Variants in STAG1 observed in about 807,000 individuals in gnomAD.
STAG1 encodes STAG1 cohesin complex component.
STAG1 carries 26 observed loss-of-function variants against 170.9 expected under a neutral mutation model. That is an observed-to-expected ratio of 0.15 (90% confidence interval 0.11 to 0.21). The LOEUF (loss-of-function observed/expected upper bound fraction) is 0.21. Ranked by LOEUF, STAG1 falls within the 10% of genes least tolerant of loss-of-function variation. The pLI is 1.00. For synonymous variants in STAG1, 514 were observed against 497.7 expected (o/e 1.03, Z -0.44); for missense variants, 964 against 1,509.5 (o/e 0.64, Z 5.99).
intron 4 of STAG1, among the ~76,000 whole-genome samples, chr3:136,569,625 T>C (rs1937199081): frequency 6.6e-6 from 1 of 151,984 alleles, no homozygotes; most frequent in South Asian, 2.1e-4. Context: ...TCTCCTTTCC[T>C]ACAGTTGATA....
intron 2 of STAG1, among the ~76,000 whole-genome samples, chr3:136,624,821 G>A (rs1940025592): frequency 6.6e-6 from 1 of 152,158 alleles, no homozygotes; most frequent in Non-Finnish European, 1.5e-5. Context: ...GAGGTGGGAA[G>A]TGACAAACAG....
chr3:136,477,741 T>A (rs985746741), intron 9 of STAG1, among the ~76,000 whole-genome samples: 5 of 152,102 alleles, frequency 3.3e-5, no homozygotes, highest in Non-Finnish European at 5.9e-5. Flanking sequence ...AAAATCAGAG[T>A]CACAACATCC....
chr3:136,694,242 G>A (rs1372098789), intron 1 of STAG1, among the ~76,000 whole-genome samples: 2 of 152,144 alleles, frequency 1.3e-5, no homozygotes, highest in Non-Finnish European at 2.9e-5. Flanking sequence ...AGGAAGTGGA[G>A]ACAGGTCTCA....
chr3:136,370,829 G>T (rs548793861), intron 23 of STAG1, among the ~76,000 whole-genome samples: 1 of 152,026 alleles, frequency 6.6e-6, no homozygotes, highest in African/African-American at 2.4e-5. Flanking sequence ...ATACGTGTGC[G>T]TGTGTCTTTA....
At chr3:136,468,671 G>A (rs1346434779) in intron 12 of STAG1, among the ~76,000 whole-genome samples, 1 of 152,070 alleles carries the variant, frequency 6.6e-6, no homozygotes. Context: ...GTCCCTGGCA[G>A]ACACATAACA....
chr3:136,377,723 C>A lies in STAG1; in HGVS notation c.2307G>T (p.Val769=), dbSNP rs1937684245. The part of the protein sequence containing the change: ...KEDLLVLRKT[V]KSFLAVCQQC... ...GCTGGCAAACAGCCAAAAAGGATTT[C>A]ACCGTTTTCCTCAATACCAACAAAT... is the stretch of plus-strand genomic sequence containing the variant. The change falls in exon 23 of 34, where the codon GTG becomes GTT. Residue 769 remains valine, a synonymous_variant. Transcript: ENST00000383202. 1 of 1,614,024 alleles carries A rather than the reference C, an allele frequency of 6.2e-7. No individual in the cohort carries two copies. Among genetic ancestry groups the A allele is most frequent in the Non-Finnish European group, 8.5e-7 (1 of 1,179,970 alleles).
At chr3:136,513,774 C>A (rs1310260481) in intron 7 of STAG1, among the ~76,000 whole-genome samples, 10 of 151,710 alleles carry the variant, frequency 6.6e-5, no homozygotes, top group Non-Finnish European at 1.5e-4. Flanking sequence ...AAGAAACTAT[C>A]AAAAAATATG....
chr3:136,583,334 A>C (rs1028762296), intron 4 of STAG1, among the ~76,000 whole-genome samples: 28 of 152,326 alleles, frequency 1.8e-4, no homozygotes, highest in Non-Finnish European at 3.2e-4. Context: ...TAATATCTAT[A>C]AATACAAAAA....
intron 1 of STAG1, among the ~76,000 whole-genome samples, chr3:136,649,464 G>GT (rs1941139862): frequency 7.2e-6 from 1 of 139,642 alleles, no homozygotes; most frequent in Non-Finnish European, 1.5e-5. Context: ...GGGTGAAAGA[G>GT]TGAGACTCCA....
At chr3:136,662,336 G>C (rs977869769) in intron 1 of STAG1, among the ~76,000 whole-genome samples, 3 of 151,898 alleles carry the variant, frequency 2.0e-5, no homozygotes, top group African/African-American at 7.3e-5. Context: ...ATTTTTAGTA[G>C]AGACAGGGCT....
At chr3:136,652,730 G>A (rs541690875) in intron 1 of STAG1, among the ~76,000 whole-genome samples, 7 of 152,062 alleles carry the variant, frequency 4.6e-5, no homozygotes, top group East Asian at 1.9e-4. Flanking sequence ...ATCTCCCTCC[G>A]ATAGCAATAA....
intron 5 of STAG1, among the ~76,000 whole-genome samples, chr3:136,560,561 T>C (rs1049279851): frequency 6.6e-6 from 1 of 152,234 alleles, no homozygotes; most frequent in Admixed American, 6.5e-5. Flanking sequence ...AAATCAACTT[T>C]ACCTTTGCAT....
chr3:136,740,751 A>G (rs572421040), intron 1 of STAG1, among the ~76,000 whole-genome samples: 1 of 152,182 alleles, frequency 6.6e-6, no homozygotes, highest in Admixed American at 6.5e-5. Flanking sequence ...AAGGGCTAGG[A>G]TTACAGGTGG....
intron 16 of STAG1, among the ~76,000 whole-genome samples, chr3:136,423,728 T>C (rs573454585): frequency 4.1e-4 from 62 of 152,332 alleles, no homozygotes; most frequent in African/African-American, 1.4e-3. Flanking sequence ...GGATTTGCCA[T>C]CATAATGTCA....
At chr3:136,478,712 CAG>C (rs1380094611) in intron 9 of STAG1, among the ~76,000 whole-genome samples, 1 of 152,122 alleles carries the variant, frequency 6.6e-6, no homozygotes, top group Non-Finnish European at 1.5e-5. Context: ...AGGATAAAAA[CAG>C]GGAAAACATT....
chr3:136,391,359 T>G (rs928237413), intron 22 of STAG1, among the ~76,000 whole-genome samples: 5 of 146,588 alleles, frequency 3.4e-5, no homozygotes, highest in African/African-American at 1.2e-4. Flanking sequence ...AGGGCATTAC[T>G]TTAGCCCTCT....
intron 13 of STAG1, among the ~76,000 whole-genome samples, chr3:136,463,372 T>C (rs1200429196): frequency 1.3e-5 from 2 of 152,194 alleles, no homozygotes; most frequent in Non-Finnish European, 2.9e-5. Context: ...CTGCTCATTA[T>C]CAAAGTTAGT....
Position 136,685,920 on chromosome 3 carries a change from T to C in STAG1, c.-83-54939A>G, listed in dbSNP as rs527279073. Reference sequence around the variant, plus strand: ...GGTGGTCTTTAGTATGTCTGAAGAATAAAGAAGATTGGGGTTTAAGTAGGA... The same window carrying C: ...GGTGGTCTTTAGTATGTCTGAAGAACAAAGAAGATTGGGGTTTAAGTAGGA... On this transcript the variant is annotated intron_variant, in intron 1 of 33. Coordinates refer to ENST00000383202, the MANE Select transcript of STAG1 (RefSeq NM_005862.3). Among the ~76,000 whole-genome samples, 3 of 80,896 alleles carry C rather than the reference T, an allele frequency of 3.7e-5. No homozygotes were observed. In the South Asian group the frequency reaches 8.8e-4, roughly 24 times the overall value. The allele number at this position is 80,896 out of a possible 152,430, so 53.1% of individuals were successfully genotyped here. A position where few individuals can be genotyped will look rare whatever the true frequency, so the allele number is the denominator to read the frequency against.
At chr3:136,495,401 C>G (rs767004868) in intron 9 of STAG1, among the ~76,000 whole-genome samples, 7 of 152,028 alleles carry the variant, frequency 4.6e-5, no homozygotes, top group Non-Finnish European at 8.8e-5. Context: ...TTCACAGATA[C>G]CAAAAGCATG....
Sources: allele counts gnomAD v4.1 joint callset (sites outside exome capture counted in the v4.1 genomes callset), GRCh38; gene constraint gnomAD v4.1.1; transcripts MANE v1.5; gene names NCBI Gene and HGNC (gene_info 2026-07-23, HGNC 2026-07-21).